NAV3: variants seen among roughly 807,000 people sequenced by gnomAD.
NAV3 encodes the protein neuron navigator 3.
NAV3 carries 87 observed loss-of-function variants against 244.7 expected under a neutral mutation model. The ratio of observed to expected loss-of-function variants is 0.36; its 90% CI spans 0.30 to 0.42. The LOEUF is 0.42. Among genes scored for constraint, NAV3 ranks in the 20% least tolerant of loss-of-function variants. NAV3 has a pLI of 1.00. For missense variants in NAV3, 2,663 were observed against 2,893.3 expected (o/e 0.92, Z 1.83); for synonymous variants, 1,126 against 1,042.2 (o/e 1.08, Z -1.55).
At position 77,994,885 on chromosome 12, in the gene NAV3, C is replaced by A. The variant is rs1341047923; in HGVS notation, c.740+14C>A. ...AAAGCCTACTAGGTCAGTTAATATT[C>A]TCTAATTTATTGCTTATTAGTGATA... On this transcript the variant is annotated intron_variant, in intron 6 of 39. Coordinates refer to ENST00000397909, the MANE Select transcript of NAV3 (RefSeq NM_001024383.2). 2.5e-6 allele frequency: 4 copies of A among 1,573,312 alleles called. No individual in the cohort carries two copies. The highest frequency in any genetic ancestry group is 3.5e-6 in the Non-Finnish European group (4 of 1,147,802).
At chr12:78,043,559 G>C (rs193045450) in intron 9 of NAV3, among the ~76,000 whole-genome samples, 1 of 152,034 alleles carries the variant, frequency 6.6e-6, no homozygotes, top group South Asian at 2.1e-4. Context: ...CAGTGTAAAG[G>C]CGTTCCTATT....
intron 12 of NAV3, among the ~76,000 whole-genome samples, chr12:78,114,225 C>G (rs997079234): frequency 3.9e-5 from 6 of 152,152 alleles, no homozygotes; most frequent in African/African-American, 1.4e-4. Flanking sequence ...CAAACTTTCC[C>G]ACATCTTCCT....
At chr12:78,160,744 C>T (rs1375457179) in intron 23 of NAV3, among the ~76,000 whole-genome samples, 1 of 152,058 alleles carries the variant, frequency 6.6e-6, no homozygotes, top group Middle Eastern at 3.4e-3. Context: ...CTCTCATATT[C>T]TCCGTATACC....
chr12:78,078,540 C>T (rs1386230670), intron 12 of NAV3, among the ~76,000 whole-genome samples: 5 of 150,180 alleles, frequency 3.3e-5, no homozygotes, highest in East Asian at 2.0e-4. Context: ...GGACTACAGG[C>T]GCCCGCCACT....
intron 1 of NAV3, among the ~76,000 whole-genome samples, chr12:77,887,044 C>A (rs577936571): frequency 1.3e-5 from 2 of 152,186 alleles, no homozygotes; most frequent in Non-Finnish European, 2.9e-5. Flanking sequence ...GCTAATGATA[C>A]AAATATTGAC....
intron 25 of NAV3, among the ~76,000 whole-genome samples, 169 bp downstream of exon 25, chr12:78,175,596 A>T (rs1453162045): frequency 6.6e-6 from 1 of 152,032 alleles, no homozygotes; most frequent in African/African-American, 2.4e-5. Context: ...TGTACTGAAA[A>T]GCATACATTT....
chr12:77,914,192 C>T (rs917444562), intron 1 of NAV3, among the ~76,000 whole-genome samples: 2 of 152,082 alleles, frequency 1.3e-5, no homozygotes, highest in South Asian at 4.1e-4. Context: ...AAGAGAGAAT[C>T]ATCTCACAAT....
intron 2 of NAV3, among the ~76,000 whole-genome samples, chr12:77,773,599 C>T (rs532697436): frequency 3.2e-4 from 49 of 151,946 alleles, no homozygotes; most frequent in Non-Finnish European, 6.2e-4. Flanking sequence ...AAGGAAGATA[C>T]ATAGTATATT....
At chr12:77,752,518 C>T (rs1456871548) in intron 2 of NAV3, among the ~76,000 whole-genome samples, 2 of 152,062 alleles carry the variant, frequency 1.3e-5, no homozygotes, top group Non-Finnish European at 2.9e-5. Flanking sequence ...CGCTGGAATG[C>T]AGAGCAATCA....
chr12:78,194,977 G>C (rs1959142014), intron 34 of NAV3, among the ~76,000 whole-genome samples: 1 of 151,996 alleles, frequency 6.6e-6, no homozygotes, highest in Admixed American at 6.6e-5. Context: ...TTGAAGTAGT[G>C]TATTATTTTG....
intron 1 of NAV3, among the ~76,000 whole-genome samples, chr12:77,899,182 G>A (rs1035123659): frequency 2.6e-5 from 4 of 152,174 alleles, no homozygotes; most frequent in Non-Finnish European, 1.5e-5. Context: ...AAACATTGTT[G>A]AAATGACAAA....
rs1356433583 is a variant in NAV3 at position 77,863,347 on chromosome 12, G to A, written c.243+31643G>A. Among the ~76,000 whole-genome samples, 7 of 151,736 alleles carry A rather than the reference G, an allele frequency of 4.6e-5. No individual in the cohort carries two copies. In the South Asian group the frequency reaches 6.2e-4, roughly 13 times the overall value. Reference sequence around the variant, plus strand: ...CAAGTCCCTTCAGCAGATGTTAGGCGAATATTTTCTGACTACTAGTTTAAC... The same window carrying A: ...CAAGTCCCTTCAGCAGATGTTAGGCAAATATTTTCTGACTACTAGTTTAAC... On this transcript the variant is annotated intron_variant, in intron 1 of 39. Transcript: ENST00000397909.
chr12:77,626,568 A>G (rs955307349), intron 2 of NAV3, among the ~76,000 whole-genome samples: 14 of 152,140 alleles, frequency 9.2e-5, no homozygotes, highest in African/African-American at 2.4e-4. Flanking sequence ...CCAGTCACAT[A>G]TAAGGGCATC....
chr12:77,790,867 C>A (rs1448722491), intron 2 of NAV3, among the ~76,000 whole-genome samples: 1 of 152,154 alleles, frequency 6.6e-6, no homozygotes, highest in Non-Finnish European at 1.5e-5. Context: ...CCTTTGCTGA[C>A]TGAGGTCTGT....
In NAV3 at chr12:78,007,313, C is replaced by T. The variant is rs2136596837; in HGVS notation, c.1775C>T (p.Ser592Phe). 1 of 1,614,218 alleles carries T rather than the reference C, an allele frequency of 6.2e-7. No homozygotes were observed. Among genetic ancestry groups the T allele is most frequent in the Non-Finnish European group, 8.5e-7 (1 of 1,180,042 alleles). The change falls in exon 8 of 40, where the codon TCT (serine) becomes TTT (phenylalanine). Residue 592 changes from serine (S) to phenylalanine (F), a missense_variant. This residue lies in a region of NAV3 where 1,521 missense variants were observed against 1,497.0 expected (regional missense o/e 1.02). Transcript: ENST00000397909. ...PLEGREAGQASPSGSCTMTVA... is the reference protein window; with the variant it reads ...PLEGREAGQAFPSGSCTMTVA... Reference sequence around the variant, plus strand: ...GAAGGAAGGGAAGCTGGCCAAGCTTCTCCTTCTGGTTCCTGTACCATGACA... The same window carrying T: ...GAAGGAAGGGAAGCTGGCCAAGCTTTTCCTTCTGGTTCCTGTACCATGACA...
At chr12:77,602,279 A>G (rs764987589) in intron 2 of NAV3, among the ~76,000 whole-genome samples, 1 of 152,044 alleles carries the variant, frequency 6.6e-6, no homozygotes, top group African/African-American at 2.4e-5. Flanking sequence ...AGGGCAAATG[A>G]ATATCAAGGT....
chr12:78,070,273 C>A (rs1048147252), intron 12 of NAV3, among the ~76,000 whole-genome samples: 5 of 152,016 alleles, frequency 3.3e-5, no homozygotes, highest in Non-Finnish European at 7.4e-5. Context: ...CCCATAACAA[C>A]CTTCTAGGTT....
At chr12:77,771,925 A>G (rs987263994) in intron 2 of NAV3, among the ~76,000 whole-genome samples, 15 of 17,408 alleles carry the variant, frequency 8.6e-4, no homozygotes, top group African/African-American at 9.4e-4. Context: ...TAATAAAAAA[A>G]TTAAAAAAAA....
rs376952342 is a variant in NAV3, at chr12:77,712,926, G to A, written c.72+140660G>A. Among the ~76,000 whole-genome samples, 115 of 152,256 alleles carry A rather than the reference G, an allele frequency of 7.6e-4. No homozygotes were observed. In the East Asian group the frequency reaches 0.014, roughly 18 times the overall value. ...GGCTAATAGCTGGTTTTCTCAGCAA[G>A]GTGAGCAAGTGACTCAGTTCTTTGT... On this transcript the variant is annotated intron_variant, in intron 2 of 8. Coordinates refer to the NAV3 transcript ENST00000550042.
Sources: gnomAD v4.1 joint callset for allele counts (sites outside exome capture counted in the v4.1 genomes callset) on GRCh38, gnomAD v4.1.1 for gene constraint, gnomAD v4.1.1 regional missense constraint, MANE v1.5 for transcripts, NCBI Gene and HGNC (gene_info 2026-07-23, HGNC 2026-07-21) for gene names.